The following NEK10 variants were observed in gnomAD, a reference collection of about 807,000 sequenced individuals.
The protein encoded by NEK10 is serine/threonine-protein kinase Nek10.
In NEK10, 122 loss-of-function variants were observed where a neutral mutation model predicts 159.8. The observed-to-expected ratio is 0.76, with a 90% CI of 0.66 to 0.89. The LOEUF is 0.89. NEK10 is among the 40% of genes least tolerant of loss of function. The pLI is 0.00. For missense variants in NEK10, 1,342 were observed against 1,323.1 expected, an observed-to-expected ratio of 1.01 and a Z score of -0.22; for synonymous variants, 466 against 457.1, an observed-to-expected ratio of 1.02 and a Z score of -0.25.
chr3:27,175,383 GC>G (rs1330465748), intron 26 of NEK10, among the ~76,000 whole-genome samples: 1 of 152,152 alleles, frequency 6.6e-6, no homozygotes, highest in East Asian at 1.9e-4. Context: ...TGCAGAACTA[GC>G]CACAGGGTCC....
intron 29 of NEK10, among the ~76,000 whole-genome samples, chr3:27,165,678 A>AC (rs1195803083): frequency 1.3e-5 from 2 of 152,178 alleles, no homozygotes; most frequent in Non-Finnish European, 2.9e-5. Context: ...ACCTAGTGTG[A>AC]CCTCATCTGG....
At chr3:27,282,559 T>TATATATATAC (rs1244802639) in intron 22 of NEK10, among the ~76,000 whole-genome samples, 1 of 86,902 alleles carries the variant, frequency 1.2e-5, no homozygotes, top group African/African-American at 5.3e-5. Context: ...TATATATATA[T>TATATATATAC]ACATAACTGT....
intron 28 of NEK10, among the ~76,000 whole-genome samples, chr3:27,172,956 G>T (rs564687857): frequency 3.3e-5 from 5 of 152,104 alleles, no homozygotes; most frequent in Non-Finnish European, 7.4e-5. Context: ...TGCCATTGTA[G>T]CATGAAAGCA....
At chr3:27,231,328 C>T (rs1953242421) in intron 23 of NEK10, among the ~76,000 whole-genome samples, 1 of 151,730 alleles carries the variant, frequency 6.6e-6, no homozygotes, top group Admixed American at 6.6e-5. Context: ...TTATCAAAAC[C>T]TCTGGAATAC....
chr3:27,223,034 T>G (rs949463176), intron 23 of NEK10, among the ~76,000 whole-genome samples: 1 of 152,168 alleles, frequency 6.6e-6, no homozygotes, highest in Non-Finnish European at 1.5e-5. Context: ...TAATTAATAA[T>G]TAATAGAACT....
At position 27,119,799 on chromosome 3, in the gene NEK10, A is replaced by G; in HGVS notation, c.3151T>C (p.Ser1051Pro). The part of the protein sequence containing the change: ...FTADYHLLHR[S>P]SGGNSLSPND... ...GGGGACAGGCTGTTTCCACCGGATG[A>G]ACGATGTAATAAATGGTAATCTGCT... Residue 1051 changes from serine to proline, a missense_variant, in exon 33 of 36, where the codon TCA becomes CCA. Transcript: ENST00000691995. 6.2e-7 allele frequency: 1 copy of G among 1,614,014 alleles called. No individual in the cohort carries two copies. The highest frequency in any genetic ancestry group is 8.5e-7 in the Non-Finnish European group (1 of 1,179,908).
chr3:27,162,490 G>A (rs766957366), intron 30 of NEK10: 1 of 1,614,102 alleles, frequency 6.2e-7, no homozygotes, highest in South Asian at 1.1e-5. Context: ...AAGAATCACA[G>A]CAGGAAGGCT....
chr3:27,310,898 G>T, intron 9 of NEK10, 51 bp downstream of exon 9: 2 of 1,138,416 alleles, frequency 1.8e-6, no homozygotes, highest in Non-Finnish European at 2.7e-6. Flanking sequence ...TCCCTAATGT[G>T]AACTATTGCC....
At chr3:27,288,890 T>C (rs868695027) in intron 19 of NEK10, among the ~76,000 whole-genome samples, 5 of 152,176 alleles carry the variant, frequency 3.3e-5, no homozygotes, top group African/African-American at 1.2e-4. Context: ...AAACCTGCTG[T>C]CCCATTGCAA....
chr3:27,262,163 A>G (rs2040471965), intron 22 of NEK10, among the ~76,000 whole-genome samples: 1 of 151,606 alleles, frequency 6.6e-6, no homozygotes, highest in South Asian at 2.1e-4. Context: ...ATTGGCCCCA[A>G]CTCTCTTCTG....
In NEK10 at chr3:27,200,923, A is replaced by C. The variant is rs1348033802; in HGVS notation, c.2291+587T>G. Among the ~76,000 whole-genome samples, 7 of 152,178 alleles carry C rather than the reference A, an allele frequency of 4.6e-5. No homozygotes were observed. In the East Asian group the frequency reaches 1.3e-3, roughly 29 times the overall value. On this transcript the variant is annotated intron_variant, in intron 25 of 35. Transcript: ENST00000691995. ...GGGAAGCACCATGTGGCTGGAGCAGAGAAAACAGAAGGGGAAGTGGGAGGG... is the reference window on the plus strand; with the variant it reads ...GGGAAGCACCATGTGGCTGGAGCAGCGAAAACAGAAGGGGAAGTGGGAGGG...
chr3:27,115,343 T>G (rs187282154), intron 35 of NEK10, among the ~76,000 whole-genome samples: 6 of 152,242 alleles, frequency 3.9e-5, no homozygotes, highest in Non-Finnish European at 8.8e-5. Context: ...AAAACTAAAA[T>G]TATAAAAATT....
chr3:27,111,457 TGGGGA>T (rs1291881748), intron 35 of NEK10, 137 bp from the exon 36 acceptor site: 1 of 673,010 alleles, frequency 1.5e-6, no homozygotes, highest in Non-Finnish European at 2.4e-6. Flanking sequence ...TTTGTTAGGA[TGGGGA>T]CATTTTTAAA....
At chr3:27,347,208 A>T (rs1271522384) in intron 3 of NEK10, among the ~76,000 whole-genome samples, 1 of 152,220 alleles carries the variant, frequency 6.6e-6, no homozygotes, top group East Asian at 1.9e-4. Flanking sequence ...TATTTAATGT[A>T]AATCAGTATG....
At chr3:27,189,604 A>G (rs1225773551) in intron 26 of NEK10, among the ~76,000 whole-genome samples, 1 of 152,112 alleles carries the variant, frequency 6.6e-6, no homozygotes. Flanking sequence ...TTACACCTAT[A>G]ATTTTTCTTC....
chr3:27,226,188 C>T (rs578212823), intron 23 of NEK10, among the ~76,000 whole-genome samples: 29 of 149,438 alleles, frequency 1.9e-4, no homozygotes, highest in East Asian at 5.8e-4. Flanking sequence ...CCCGCCACTA[C>T]GCCCGGCTAT....
At chr3:27,265,177 A>G (rs2040786814) in intron 22 of NEK10, among the ~76,000 whole-genome samples, 1 of 152,182 alleles carries the variant, frequency 6.6e-6, no homozygotes, top group Non-Finnish European at 1.5e-5. Flanking sequence ...GTTCAAAAAC[A>G]AAACATGTCC....
At chr3:27,258,301 T>C (rs899342179) in intron 22 of NEK10, among the ~76,000 whole-genome samples, 20 of 152,152 alleles carry the variant, frequency 1.3e-4, no homozygotes, top group East Asian at 7.7e-4. Flanking sequence ...ACATGTGCCA[T>C]GTTGGTGTGC....
intron 29 of NEK10, among the ~76,000 whole-genome samples, chr3:27,168,073 T>C (rs1033231537): frequency 6.6e-6 from 1 of 152,200 alleles, no homozygotes; most frequent in Non-Finnish European, 1.5e-5. Flanking sequence ...TTGGTACTAT[T>C]AATATTTAGC....
Sources: allele counts gnomAD v4.1 joint callset (sites outside exome capture counted in the v4.1 genomes callset), GRCh38; gene constraint gnomAD v4.1.1; transcripts MANE v1.5; gene names NCBI Gene and HGNC (gene_info 2026-07-23, HGNC 2026-07-21).